TCF12: variants seen among roughly 807,000 people sequenced by gnomAD.
TCF12 encodes transcription factor 12, also known as DNA-binding protein HTF4.
Under a neutral mutation model 86.0 loss-of-function variants are expected in TCF12, and 45 were observed. The observed-to-expected ratio is 0.52, with a 90% CI of 0.41 to 0.67. The LOEUF (loss-of-function observed/expected upper bound fraction) is 0.67, where lower values mean the gene tolerates loss of function less well. Among genes scored for constraint, TCF12 ranks in the 30% least tolerant of loss-of-function variants. The pLI is 0.00. For missense variants in TCF12, 881 were observed against 859.9 expected (o/e 1.02, Z -0.31); for synonymous variants, 330 against 299.6 (o/e 1.10, Z -1.05).
rs2060537311 is a variant in TCF12, at chr15:56,937,860, A to G, written c.148+16762A>G. Among the ~76,000 whole-genome samples the G allele has an allele frequency of 2.0e-5, 3 of 151,870 alleles. No individual in the cohort carries two copies. In the South Asian group the frequency reaches 6.2e-4, roughly 32 times the overall value. On this transcript the variant is annotated intron_variant, in intron 3 of 20. Coordinates refer to ENST00000333725, the MANE Select transcript of TCF12 (RefSeq NM_207037.2). Reference sequence around the variant, plus strand: ...TTTGTGTGGTGTATCACATTTATTGACTTGCATATGTTAAACCATCCCTGT... The same window carrying G: ...TTTGTGTGGTGTATCACATTTATTGGCTTGCATATGTTAAACCATCCCTGT...
At chr15:57,093,639 A>G (rs1054711401) in intron 5 of TCF12, among the ~76,000 whole-genome samples, 1 of 152,210 alleles carries the variant, frequency 6.6e-6, no homozygotes, top group African/African-American at 2.4e-5. Context: ...ATGTTGACTA[A>G]CAATATATCT....
At chr15:57,263,768 A>G (rs997956263) in intron 18 of TCF12, among the ~76,000 whole-genome samples, 10 of 152,220 alleles carry the variant, frequency 6.6e-5, no homozygotes, top group South Asian at 2.1e-4. Context: ...CCTGTATACC[A>G]TGTTACTGAA....
At chr15:56,966,837 A>G (rs998044750) in intron 3 of TCF12, among the ~76,000 whole-genome samples, 1 of 152,138 alleles carries the variant, frequency 6.6e-6, no homozygotes, top group African/African-American at 2.4e-5. Flanking sequence ...GGAATAAAAA[A>G]GTTGGCTGGG....
At chr15:57,080,768 AT>A (rs2070569973) in intron 4 of TCF12, among the ~76,000 whole-genome samples, 1 of 152,222 alleles carries the variant, frequency 6.6e-6, no homozygotes, top group Non-Finnish European at 1.5e-5. Context: ...CCAATTAATT[AT>A]AATGAATATT....
intron 5 of TCF12, among the ~76,000 whole-genome samples, chr15:57,098,141 C>T (rs1227544597): frequency 2.6e-5 from 4 of 151,636 alleles, no homozygotes; most frequent in East Asian, 1.9e-4. Context: ...GCCCAGATTG[C>T]GCCACTGCAC....
At chr15:57,190,520 C>T (rs1303083384) in intron 6 of TCF12, among the ~76,000 whole-genome samples, 1 of 152,090 alleles carries the variant, frequency 6.6e-6, no homozygotes, top group African/African-American at 2.4e-5. Context: ...CAGTTCTTTT[C>T]ACTTGAGAGT....
At chr15:57,279,890 T>TTTC (rs1251214385) in intron 19 of TCF12, among the ~76,000 whole-genome samples, 1 of 147,556 alleles carries the variant, frequency 6.8e-6, no homozygotes, top group Non-Finnish European at 1.5e-5. Flanking sequence ...CTCACTTTTT[T>TTTC]TTTTTTTTTT....
intron 20 of TCF12, among the ~76,000 whole-genome samples, chr15:57,283,948 A>G (rs2061817645): frequency 6.6e-6 from 1 of 152,172 alleles, no homozygotes; most frequent in African/African-American, 2.4e-5. Context: ...GTTATTTCGT[A>G]AGTCAGTTAT....
intron 3 of TCF12, among the ~76,000 whole-genome samples, chr15:57,036,777 GT>G (rs1567296620): frequency 6.6e-6 from 1 of 151,828 alleles, no homozygotes; most frequent in African/African-American, 2.4e-5. Flanking sequence ...ATTCTTTTAG[GT>G]TTCTTTTCAT....
At chr15:57,017,706 GAGA>G (rs1175067904) in intron 3 of TCF12, among the ~76,000 whole-genome samples, 3 of 149,676 alleles carry the variant, frequency 2.0e-5, no homozygotes, top group African/African-American at 7.3e-5. Flanking sequence ...CAGGAGATGT[GAGA>G]AGGTCTAATT....
chr15:57,165,157 T>TGTGC lies in TCF12; in HGVS notation c.326-1242_326-1241insCGTG, dbSNP rs1416956635. On this transcript the variant is annotated intron_variant, in intron 5 of 20. Coordinates refer to ENST00000333725, the MANE Select transcript of TCF12 (RefSeq NM_207037.2). The stretch of plus-strand genomic sequence containing the variant: ...GTCTGTGTGTGTGTGTGTGTGTGTG[T>TGTGC]GTGTGTGCGTACACGAGATGTGCAA... Among the ~76,000 whole-genome samples the TGTGC allele has an allele frequency of 2.0e-5, 3 of 150,186 alleles. No individual in the cohort carries two copies. In the East Asian group the frequency reaches 5.8e-4, roughly 29 times the overall value.
At chr15:57,178,310 G>A (rs2056100296) in intron 6 of TCF12, among the ~76,000 whole-genome samples, 1 of 152,156 alleles carries the variant, frequency 6.6e-6, no homozygotes, top group South Asian at 2.1e-4. Context: ...AAACTAAGAA[G>A]TTTAATGTTT....
At chr15:56,948,583 A>G (rs192770970) in intron 3 of TCF12, among the ~76,000 whole-genome samples, 17 of 152,332 alleles carry the variant, frequency 1.1e-4, no homozygotes, top group Non-Finnish European at 2.5e-4. Context: ...GTGAAGTAAC[A>G]AATATCAGTA....
intron 3 of TCF12, among the ~76,000 whole-genome samples, chr15:56,990,556 G>A (rs2063400548): frequency 6.6e-6 from 1 of 151,780 alleles, no homozygotes; most frequent in Non-Finnish European, 1.5e-5. Context: ...CTTCTAATCA[G>A]CAATTAAAAA....
intron 3 of TCF12, among the ~76,000 whole-genome samples, chr15:56,972,855 C>T (rs1377967536): frequency 6.6e-6 from 1 of 152,062 alleles, no homozygotes. Flanking sequence ...GGGAGGGGAA[C>T]AGACTAACAC....
At chr15:56,973,884 T>G (rs2062466242) in intron 3 of TCF12, among the ~76,000 whole-genome samples, 1 of 152,116 alleles carries the variant, frequency 6.6e-6, no homozygotes, top group Non-Finnish European at 1.5e-5. Context: ...GTGTTATTCC[T>G]GCCAAAAATC....
At chr15:56,962,644 T>A (rs1642929) in intron 3 of TCF12, among the ~76,000 whole-genome samples, 34,692 of 152,050 alleles carry the variant, frequency 0.23, 4,233 homozygotes, top group East Asian at 0.46. Flanking sequence ...CAATTAGTGA[T>A]GTAACCTACT....
chr15:57,055,364 G>A (rs2067935772), intron 3 of TCF12, among the ~76,000 whole-genome samples: 1 of 152,170 alleles, frequency 6.6e-6, no homozygotes, highest in African/African-American at 2.4e-5. Context: ...TCGCGCCACT[G>A]CACTCTGGCC....
At chr15:57,219,599 TTTTC>T in intron 8 of TCF12, 3 of 1,611,900 alleles carry the variant, frequency 1.9e-6, no homozygotes, top group Non-Finnish European at 2.5e-6. Flanking sequence ...CGGTAAGCCT[TTTTC>T]TTTGTATAGC....
Sources: gnomAD v4.1 joint callset for allele counts (sites outside exome capture counted in the v4.1 genomes callset) on GRCh38, gnomAD v4.1.1 for gene constraint, MANE v1.5 for transcripts, NCBI Gene and HGNC (gene_info 2026-07-23, HGNC 2026-07-21) for gene names.